GPM6B: variants seen among roughly 807,000 people sequenced by gnomAD.
GPM6B encodes the protein glycoprotein M6B.
In GPM6B, 4 loss-of-function variants were observed where a neutral mutation model predicts 27.2. The observed-to-expected ratio is 0.15, with a 90% CI of 0.07 to 0.34. The LOEUF (loss-of-function observed/expected upper bound fraction) is 0.34, where lower values mean the gene tolerates loss of function less well. Among genes scored for constraint, GPM6B ranks in the 10% least tolerant of loss-of-function variants. The pLI, the probability that GPM6B is intolerant of heterozygous loss-of-function variation, is 1.00. For missense variants in GPM6B, 183 were observed against 261.9 expected (o/e 0.70, Z 2.08); for synonymous variants, 124 against 103.1 (o/e 1.20, Z -1.23).
intron 1 of GPM6B, among the ~76,000 whole-genome samples, chrX:13,886,772 G>T (rs1768803496): frequency 2.2e-5 from 2 of 90,549 alleles, no homozygotes; most frequent in African/African-American, 8.9e-5. Flanking sequence ...AGTGTTTGAT[G>T]TATGATGTTG....
At chrX:13,869,933 G>A (rs5979991) in intron 1 of GPM6B, among the ~76,000 whole-genome samples, 1,245 of 112,017 alleles carry the variant, frequency 0.011, 10 homozygotes, top group Non-Finnish European at 0.018. Context: ...AATCTTGTGC[G>A]GCATTTAGTT....
intron 4 of GPM6B, among the ~76,000 whole-genome samples, chrX:13,780,607 CTACTT>C (rs1391322778): frequency 8.0e-5 from 9 of 111,890 alleles, no homozygotes; most frequent in Non-Finnish European, 1.3e-4. Flanking sequence ...TCATTTTCCT[CTACTT>C]TTCTTTTGTC....
intron 1 of GPM6B, among the ~76,000 whole-genome samples, chrX:13,848,972 C>T (rs1230525412): frequency 8.9e-6 from 1 of 111,891 alleles, no homozygotes; most frequent in Non-Finnish European, 1.9e-5. Flanking sequence ...TATGTAAGCC[C>T]ATTTACATAA....
At chrX:13,821,504 T>C (rs1407701413), upstream of GPM6B, among the ~76,000 whole-genome samples, 1 of 112,926 alleles carries the variant, frequency 8.9e-6, no homozygotes, top group Non-Finnish European at 1.9e-5. Flanking sequence ...GTCAGTTGGC[T>C]GGTTCATTCT....
chrX:13,937,682 G>C (rs988601987), intron 1 of GPM6B, among the ~76,000 whole-genome samples: 1 of 111,651 alleles, frequency 9.0e-6, no homozygotes, highest in Admixed American at 9.5e-5. Flanking sequence ...CCAATACAGA[G>C]TCCCCACTTA....
At chrX:13,934,597 T>C (rs996159673) in intron 1 of GPM6B, among the ~76,000 whole-genome samples, 1 of 112,100 alleles carries the variant, frequency 8.9e-6, no homozygotes, top group African/African-American at 3.2e-5. Flanking sequence ...ACATCGAAGA[T>C]GCCAGCATTT....
At chrX:13,779,640 TCC>T (rs1226278902) in intron 5 of GPM6B, among the ~76,000 whole-genome samples, 176 bp downstream of exon 5, 2 of 111,537 alleles carry the variant, frequency 1.8e-5, no homozygotes, top group Non-Finnish European at 3.8e-5. Flanking sequence ...GCTAAAAGCC[TCC>T]CTGAAGTTTC....
At chrX:13,809,952 G>GAAA (rs113730315) in intron 1 of GPM6B, among the ~76,000 whole-genome samples, 1 of 80,234 alleles carries the variant, frequency 1.2e-5, no homozygotes, top group Admixed American at 1.6e-4. Context: ...TCCATCTCAG[G>GAAA]AAAAAAAAAA....
chrX:13,787,969 G>C (rs1223601735), intron 2 of GPM6B, among the ~76,000 whole-genome samples: 1 of 112,031 alleles, frequency 8.9e-6, no homozygotes, highest in Non-Finnish European at 1.9e-5. Context: ...TAGCCACTAA[G>C]ACATGTAGCT....
chrX:13,930,979 C>G (rs1461226065), intron 1 of GPM6B, among the ~76,000 whole-genome samples: 3 of 111,080 alleles, frequency 2.7e-5, no homozygotes, highest in Non-Finnish European at 3.8e-5. Flanking sequence ...AAGTCAGTAG[C>G]TCAAGACCAG....
intron 2 of GPM6B, among the ~76,000 whole-genome samples, chrX:13,806,786 C>CA (rs752065335): frequency 8.9e-6 from 1 of 112,044 alleles, no homozygotes; most frequent in Non-Finnish European, 1.9e-5. Context: ...TGGATTGATG[C>CA]AAAATCACAG....
intron 1 of GPM6B, among the ~76,000 whole-genome samples, chrX:13,918,396 A>AT (rs758382111): frequency 5.6e-4 from 63 of 112,543 alleles, no homozygotes; most frequent in African/African-American, 2.0e-3. Flanking sequence ...TGGCAGTCTT[A>AT]TTTTTCCAGA....
chrX:13,865,680 C>G (rs2049908190), intron 1 of GPM6B, among the ~76,000 whole-genome samples: 1 of 107,491 alleles, frequency 9.3e-6, no homozygotes, highest in South Asian at 4.1e-4. Flanking sequence ...TCACTTGAGT[C>G]CAAGAGGTCA....
chrX:13,909,120 C>CTTTTTTTT (rs368081524), intron 1 of GPM6B, among the ~76,000 whole-genome samples: 33 of 69,829 alleles, frequency 4.7e-4, no homozygotes, highest in African/African-American at 1.9e-3. Flanking sequence ...TGTTCATATC[C>CTTTTTTTT]TTTTTTTTTT....
At chrX:13,871,867 C>T (rs2049982047) in intron 1 of GPM6B, among the ~76,000 whole-genome samples, 2 of 111,895 alleles carry the variant, frequency 1.8e-5, no homozygotes, top group South Asian at 7.4e-4. Context: ...ATTAAATGAG[C>T]AGTAGCCCTT....
At chrX:13,877,602 G>A (rs902677810) in intron 1 of GPM6B, among the ~76,000 whole-genome samples, 3 of 109,064 alleles carry the variant, frequency 2.8e-5, no homozygotes, top group African/African-American at 6.7e-5. Flanking sequence ...CAGGCAGATC[G>A]CTTGAGCCCA....
chrX:13,844,751 G>T (rs1216852723), intron 1 of GPM6B, among the ~76,000 whole-genome samples: 3 of 111,762 alleles, frequency 2.7e-5, no homozygotes, highest in Non-Finnish European at 5.6e-5. Context: ...ATAGCTACAA[G>T]TGGTTCCCCC....
chrX:13,855,111 C>T (rs1418528067), intron 1 of GPM6B, among the ~76,000 whole-genome samples: 2 of 109,745 alleles, frequency 1.8e-5, no homozygotes, highest in African/African-American at 6.6e-5. Context: ...CTCCACCTCC[C>T]AGGTTCAAGC....
In GPM6B at chrX:13,912,021, A is replaced by G. The variant is rs764961836; in HGVS notation, c.-198+26306T>C. On this transcript the variant is annotated intron_variant, in intron 1 of 6. Transcript: ENST00000398361. ...CTGTCACAAATTTGTGACATTTAAG[A>G]CATTATTACCACCAGACGCCCTTCC... Among the ~76,000 whole-genome samples the G allele has an allele frequency of 4.5e-5, 5 of 111,822 alleles. No homozygotes were observed. The East Asian group carries it at 1.4e-3, about 31-fold the overall frequency.
Sources: allele counts gnomAD v4.1 joint callset (sites outside exome capture counted in the v4.1 genomes callset), GRCh38; gene constraint gnomAD v4.1.1; transcripts MANE v1.5; gene names NCBI Gene and HGNC (gene_info 2026-07-23, HGNC 2026-07-21).